Variants in LAMA2 observed in about 807,000 individuals in gnomAD.
LAMA2 encodes laminin subunit alpha-2.
Under a neutral mutation model 364.8 loss-of-function variants are expected in LAMA2, and 269 were observed. The observed-to-expected ratio is 0.74, with a 90% CI of 0.67 to 0.82. The LOEUF is 0.82. Ranked by LOEUF, LAMA2 falls within the 40% of genes least tolerant of loss-of-function variation. The probability of loss-of-function intolerance (pLI) is 0.00; values close to 1 mark genes in which losing one functional copy is unlikely to be tolerated. For missense variants in LAMA2, 3,807 were observed against 3,873.2 expected (o/e 0.98, Z 0.45); for synonymous variants, 1,379 against 1,370.6 (o/e 1.01, Z -0.14).
chr6:129,493,179 A>ATAAT (rs1385343784), intron 58 of LAMA2, among the ~76,000 whole-genome samples: 2 of 152,196 alleles, frequency 1.3e-5, no homozygotes, highest in African/African-American at 4.8e-5. Context: ...AAATAAATAA[A>ATAAT]TAAAAACTGT....
chr6:129,068,826 T>G, intron 3 of LAMA2, among the ~76,000 whole-genome samples: 1 of 152,300 alleles, frequency 6.6e-6, no homozygotes, highest in Non-Finnish European at 1.5e-5. Context: ...AACAGAGAAG[T>G]CTGGGACTGT....
At chr6:129,452,120 T>A (rs1782704669) in intron 45 of LAMA2, among the ~76,000 whole-genome samples, 1 of 152,182 alleles carries the variant, frequency 6.6e-6, no homozygotes, top group Non-Finnish European at 1.5e-5. Flanking sequence ...TCTCTCTGAG[T>A]CCAAGCAACT....
chr6:129,309,401 G>A (rs1480902042), intron 22 of LAMA2, among the ~76,000 whole-genome samples: 1 of 152,134 alleles, frequency 6.6e-6, no homozygotes, highest in African/African-American at 2.4e-5. Context: ...ATTTGGAAAG[G>A]TCCCAATGTC....
chr6:129,389,924 C>T (rs975452201), intron 35 of LAMA2, among the ~76,000 whole-genome samples: 2 of 152,046 alleles, frequency 1.3e-5, no homozygotes, highest in East Asian at 3.9e-4. Context: ...TGGGGGGACA[C>T]AGAGAAAAAC....
intron 5 of LAMA2, among the ~76,000 whole-genome samples, chr6:129,144,989 C>T (rs922552837): frequency 2.6e-5 from 4 of 151,900 alleles, no homozygotes; most frequent in African/African-American, 9.7e-5. Context: ...TATGCTGCTA[C>T]ACAACCAAGG....
intron 5 of LAMA2, among the ~76,000 whole-genome samples, chr6:129,144,710 A>G (rs910673756): frequency 6.6e-6 from 1 of 152,046 alleles, no homozygotes; most frequent in Non-Finnish European, 1.5e-5. Flanking sequence ...ATCACAAGCC[A>G]TAGTTTTAAA....
rs1440964805 is a variant in LAMA2, at chr6:129,190,335, C to A, written c.1598C>A (p.Thr533Asn). 1 of 1,613,350 alleles carries A rather than the reference C, an allele frequency of 6.2e-7. No homozygotes were observed. The highest frequency in any genetic ancestry group is 1.7e-5 in the Admixed American group (1 of 60,004). The change falls in exon 11 of 65, where the codon ACC (threonine) becomes AAC (asparagine). Residue 533 changes from threonine to asparagine, a missense_variant. Thr to Asn is a moderately conservative substitution (Grantham distance 65). Transcript: ENST00000421865. The stretch of plus-strand genomic sequence containing the variant: ...AACAGATGTCAGAGTTCCTACTGGA[C>A]CTATGGCAAAGTAAGCAAGCACCAT... Reference protein sequence around the residue: ...VSNRCQSSYWTYGKIQDMSGW... With the variant: ...VSNRCQSSYWNYGKIQDMSGW...
chr6:129,471,816 T>C (rs780970246), intron 51 of LAMA2, among the ~76,000 whole-genome samples: 80 of 152,098 alleles, frequency 5.3e-4, no homozygotes, highest in Non-Finnish European at 1.0e-3. Flanking sequence ...TTTTCTTGTT[T>C]GTTTTTACAA....
chr6:129,478,892 C>A, intron 54 of LAMA2, 79 bp downstream of exon 54: 1 of 1,271,356 alleles, frequency 7.9e-7, no homozygotes, highest in Non-Finnish European at 1.2e-6. Flanking sequence ...CTACAAGGAT[C>A]AGTCTTTTGT....
intron 22 of LAMA2, among the ~76,000 whole-genome samples, chr6:129,303,858 G>A (rs1184968041): frequency 1.3e-5 from 2 of 152,096 alleles, no homozygotes; most frequent in Non-Finnish European, 2.9e-5. Flanking sequence ...AGAAATATTG[G>A]TATGAACTTA....
At chr6:129,233,810 T>C (rs1784819903) in intron 12 of LAMA2, among the ~76,000 whole-genome samples, 1 of 152,178 alleles carries the variant, frequency 6.6e-6, no homozygotes, top group Non-Finnish European at 1.5e-5. Flanking sequence ...GATAAAAATA[T>C]CATAGAGATT....
At chr6:128,896,842 T>A (rs559553099) in intron 1 of LAMA2, among the ~76,000 whole-genome samples, 2 of 152,360 alleles carry the variant, frequency 1.3e-5, no homozygotes, top group South Asian at 4.1e-4. Flanking sequence ...AATTAATTTA[T>A]CTGCTGACCT....
chr6:129,343,592 G>A (rs776753615), intron 30 of LAMA2, among the ~76,000 whole-genome samples: 4 of 151,976 alleles, frequency 2.6e-5, no homozygotes, highest in East Asian at 1.9e-4. Context: ...TTGATGCCCC[G>A]ATTTATTTAA....
chr6:129,163,022 A>G (rs992546420), intron 8 of LAMA2, among the ~76,000 whole-genome samples: 1 of 152,200 alleles, frequency 6.6e-6, no homozygotes, highest in African/African-American at 2.4e-5. Context: ...TTGGCTTTCA[A>G]GCTTACCTTG....
intron 34 of LAMA2, among the ~76,000 whole-genome samples, chr6:129,376,955 A>C (rs1417850417): frequency 6.6e-6 from 1 of 152,196 alleles, no homozygotes; most frequent in Admixed American, 6.5e-5. Flanking sequence ...ATAGGTGTTA[A>C]GTCAATATTT....
intron 12 of LAMA2, among the ~76,000 whole-genome samples, chr6:129,211,087 A>G (rs1783072766): frequency 6.6e-6 from 1 of 152,226 alleles, no homozygotes; most frequent in Non-Finnish European, 1.5e-5. Flanking sequence ...TCTCCTGCAG[A>G]TTTAAAATTT....
intron 7 of LAMA2, among the ~76,000 whole-genome samples, chr6:129,149,806 C>T (rs1778689037): frequency 6.6e-6 from 1 of 151,990 alleles, no homozygotes. Context: ...TTATTATTTC[C>T]TAAGCAATAT....
chr6:129,170,407 C>T (rs932961299), intron 9 of LAMA2, among the ~76,000 whole-genome samples: 35 of 140,388 alleles, frequency 2.5e-4, no homozygotes, highest in Non-Finnish European at 5.1e-4. Flanking sequence ...TTTCTGCCTT[C>T]ATTTCGTTAT....
chr6:129,308,264 T>G (rs1274819894), intron 22 of LAMA2, among the ~76,000 whole-genome samples: 1 of 143,188 alleles, frequency 7.0e-6, no homozygotes, highest in Non-Finnish European at 1.6e-5. Flanking sequence ...TGAACAATGC[T>G]ATAAGTGTCT....
Sources: gnomAD v4.1 joint callset for allele counts (sites outside exome capture counted in the v4.1 genomes callset) on GRCh38, gnomAD v4.1.1 for gene constraint, MANE v1.5 for transcripts, NCBI Gene and HGNC (gene_info 2026-07-23, HGNC 2026-07-21) for gene names.